C7orf57: variants seen among roughly 807,000 people sequenced by gnomAD.
C7orf57 encodes the protein uncharacterized protein C7orf57.
In C7orf57, 33 loss-of-function variants were observed where a neutral mutation model predicts 39.0. The observed-to-expected ratio is 0.85, with a 90% CI of 0.64 to 1.13. The LOEUF (loss-of-function observed/expected upper bound fraction) is 1.13. Ranked by LOEUF, C7orf57 falls within the 50% of genes most tolerant of loss-of-function variation. The probability of loss-of-function intolerance (pLI) is 0.00; values close to 1 mark genes in which losing one functional copy is unlikely to be tolerated. For synonymous variants in C7orf57, 124 were observed against 137.1 expected, an observed-to-expected ratio of 0.90 and a Z score of 0.67; for missense variants, 346 against 362.3, an observed-to-expected ratio of 0.95 and a Z score of 0.37.
chr7:48,053,994 C>T (rs973932054), intron 7 of C7orf57, among the ~76,000 whole-genome samples: 5 of 152,042 alleles, frequency 3.3e-5, no homozygotes, highest in African/African-American at 7.2e-5. Flanking sequence ...GTGAGGTCAC[C>T]GTTTGCCATT....
intron 8 of C7orf57, among the ~76,000 whole-genome samples, chr7:48,058,002 A>G (rs1791166137): frequency 6.6e-6 from 1 of 152,152 alleles, no homozygotes; most frequent in African/African-American, 2.4e-5. Flanking sequence ...ACATTTAATG[A>G]TTTGCATATG....
Position 48,052,895 on chromosome 7 carries a change from G to A in C7orf57, c.801G>A (p.Glu267=), listed in dbSNP as rs1050632237. Residue 267 remains glutamate (E), a synonymous_variant, in exon 7 of 9, where the codon GAG becomes GAA. Coordinates refer to ENST00000348904, the MANE Select transcript of C7orf57 (RefSeq NM_001100159.3). ...PQDAARLQDA[E]ASEGPEDTPE... is the part of the protein sequence containing the mutation. The stretch of plus-strand genomic sequence containing the variant: ...ATGCAGCCAGGCTCCAGGATGCAGA[G>A]GCTTCTGAAGGTCCTGAGGACACCC... 6.2e-7 allele frequency: 1 copy of A among 1,613,748 alleles called. No homozygotes were observed. The highest frequency in any genetic ancestry group is 8.5e-7 in the Non-Finnish European group (1 of 1,179,802).
chr7:48,052,995 C>T lies in C7orf57; in HGVS notation c.829+72C>T, dbSNP rs1791005437. 4.9e-6 allele frequency: 6 copies of T among 1,222,534 alleles called. No individual in the cohort carries two copies. The East Asian group carries it at 1.2e-4, about 25-fold the overall frequency. 75.7% of individuals were successfully genotyped at this position (1,222,534 alleles called of 1,614,324 possible). A position where few individuals can be genotyped will look rare whatever the true frequency, so the allele number is the denominator to read the frequency against. On this transcript the variant is annotated intron_variant, in intron 7 of 8. Coordinates refer to ENST00000348904, the MANE Select transcript of C7orf57 (RefSeq NM_001100159.3). The stretch of plus-strand genomic sequence containing the variant: ...GTGATGCAGCAGCTGACGTTCTTAT[C>T]ACATGATGCGTCTCGTAATGAGAAA...
At chr7:48,049,145 C>T (rs1790803076) in intron 5 of C7orf57, among the ~76,000 whole-genome samples, 1 of 152,206 alleles carries the variant, frequency 6.6e-6, no homozygotes, top group Admixed American at 6.5e-5. Flanking sequence ...TAAGCCCCCT[C>T]ACCCCAAAAC....
At chr7:48,060,072 T>C (rs569124060) in intron 8 of C7orf57, among the ~76,000 whole-genome samples, 154 bp from the exon 9 acceptor site, 3 of 152,268 alleles carry the variant, frequency 2.0e-5, no homozygotes, top group East Asian at 1.9e-4. Context: ...GTATTATTTA[T>C]GCCAGGATCA....
At chr7:48,036,403 G>C in intron 2 of C7orf57, 40 bp downstream of exon 2, 1 of 1,526,322 alleles carries the variant, frequency 6.6e-7, no homozygotes. Context: ...GAAAGAGCTG[G>C]GTGCGTGCAC....
chr7:48,037,924 G>A (rs1002683690), intron 2 of C7orf57, among the ~76,000 whole-genome samples: 2 of 152,136 alleles, frequency 1.3e-5, no homozygotes, highest in African/African-American at 4.8e-5. Context: ...GAAGGTAGAA[G>A]ACACACTGTT....
At chr7:48,054,669 A>C in intron 8 of C7orf57, 63 bp downstream of exon 8, 1 of 1,416,020 alleles carries the variant, frequency 7.1e-7, no homozygotes, top group East Asian at 2.5e-5. Context: ...AAATTGATGG[A>C]CATAGTCCTG....
chr7:48,047,264 G>T (rs1474018026), intron 5 of C7orf57, among the ~76,000 whole-genome samples: 1 of 152,176 alleles, frequency 6.6e-6, no homozygotes, highest in African/African-American at 2.4e-5. Context: ...AGTGTTGCCC[G>T]GGGCATCAGC....
chr7:48,051,750 TTTTCTTTCTTTC>T (rs368758672), intron 6 of C7orf57, among the ~76,000 whole-genome samples: 3,752 of 54,630 alleles, frequency 0.069, 381 homozygotes, highest in African/African-American at 0.16. Context: ...TTTCTTTTTC[TTTTCTTTCTTTC>T]TTTCTTTCTT....
intron 8 of C7orf57, among the ~76,000 whole-genome samples, chr7:48,056,609 G>C (rs561849795): frequency 1.1e-3 from 167 of 152,136 alleles, no homozygotes; most frequent in Non-Finnish European, 2.1e-3. Context: ...ATGCTCATTG[G>C]AACATTTCGG....
At chr7:48,036,443 C>A in intron 2 of C7orf57, 80 bp downstream of exon 2, 1 of 1,337,918 alleles carries the variant, frequency 7.5e-7, no homozygotes. Flanking sequence ...GTGGACCCAA[C>A]GTCCTCTATG....
chr7:48,060,313 T>C lies in C7orf57; in HGVS notation c.*41T>C. 1.6e-6 allele frequency: 2 copies of C among 1,284,058 alleles called. No individual in the cohort carries two copies. Among genetic ancestry groups the C allele is most frequent in the Non-Finnish European group, 2.2e-6 (2 of 919,404 alleles). 79.5% of individuals were successfully genotyped at this position (1,284,058 alleles called of 1,614,324 possible). On this transcript the variant is annotated 3_prime_UTR_variant, in exon 9 of 9. Coordinates refer to ENST00000348904, the MANE Select transcript of C7orf57 (RefSeq NM_001100159.3). ...GTATTTAGGATAATTTTTAAATGGC[T>C]AAATATGACATGACTGTATTATAGC...
chr7:48,055,162 T>A (rs1791082554), intron 8 of C7orf57, among the ~76,000 whole-genome samples: 1 of 152,162 alleles, frequency 6.6e-6, no homozygotes, highest in South Asian at 2.1e-4. Flanking sequence ...AGGCGTGAGC[T>A]ACCGCGCCTG....
intron 2 of C7orf57, among the ~76,000 whole-genome samples, chr7:48,037,424 C>T (rs762995478): frequency 3.3e-5 from 5 of 152,164 alleles, no homozygotes; most frequent in Non-Finnish European, 7.3e-5. Context: ...TCACACACTT[C>T]GTAAGTGGCT....
At chr7:48,045,843 A>C (rs1287192246) in intron 4 of C7orf57, among the ~76,000 whole-genome samples, 2 of 152,106 alleles carry the variant, frequency 1.3e-5, no homozygotes, top group African/African-American at 4.8e-5. Flanking sequence ...CTATATGGGA[A>C]GACTGGTTGC....
intron 8 of C7orf57, among the ~76,000 whole-genome samples, chr7:48,056,608 G>T (rs1182297879): frequency 6.6e-6 from 1 of 152,010 alleles, no homozygotes; most frequent in Non-Finnish European, 1.5e-5. Context: ...AATGCTCATT[G>T]GAACATTTCG....
chr7:48,035,982 G>T lies in C7orf57; in HGVS notation c.-101-226G>T, dbSNP rs1490661431. ...GTGTACCCGGAGTGCGTACGTCCCT[G>T]CTGTGTACCCTGTGTGGACGTGCCC... On this transcript the variant is annotated intron_variant, in intron 1 of 8. Transcript: ENST00000348904. This position sits in a 1 kb window ranked among gnomAD's most constrained non-coding sequence, Gnocchi z 4.0. 6.6e-6 allele frequency among the ~76,000 whole-genome samples: 1 copy of T among 151,996 alleles called. No homozygotes were observed. Among genetic ancestry groups the T allele is most frequent in the African/African-American group, 2.4e-5 (1 of 41,348 alleles).
Position 48,035,752 on chromosome 7 carries a change from C to G in C7orf57, c.-102+122C>G, listed in dbSNP as rs1292893397. On this transcript the variant is annotated intron_variant, in intron 1 of 8. Coordinates refer to ENST00000348904, the MANE Select transcript of C7orf57 (RefSeq NM_001100159.3). This position sits in a 1 kb window ranked among gnomAD's most constrained non-coding sequence, Gnocchi z 4.0. ...GGCTGGAGGGAGGGGACCACCTTGT[C>G]GCCGGGTTGGGATGAGCACAGGGCG... 2 of 581,952 alleles carry G rather than the reference C, an allele frequency of 3.4e-6. No individual in the cohort carries two copies. Among genetic ancestry groups the G allele is most frequent in the Non-Finnish European group, 6.1e-6 (2 of 328,916 alleles). The allele number at this position is 581,952 out of a possible 1,614,324, so 36.0% of individuals were successfully genotyped here.
Sources: allele counts gnomAD v4.1 joint callset (sites outside exome capture counted in the v4.1 genomes callset), GRCh38; gene constraint gnomAD v4.1.1; non-coding constraint Gnocchi (gnomAD v3.1); transcripts MANE v1.5; gene names NCBI Gene and HGNC (gene_info 2026-07-23, HGNC 2026-07-21).